The following ANKS1B variants were observed in gnomAD, a reference collection of about 807,000 sequenced individuals.
ANKS1B encodes the protein ankyrin repeat and sterile alpha motif domain containing 1B.
ANKS1B carries 36 observed loss-of-function variants against 148.3 expected under a neutral mutation model. That is an observed-to-expected ratio of 0.24 (90% CI 0.19 to 0.32). The LOEUF (loss-of-function observed/expected upper bound fraction) is 0.32. Ranked by LOEUF, ANKS1B falls within the 10% of genes least tolerant of loss-of-function variation. The pLI is 1.00. For missense variants in ANKS1B, 1,157 were observed against 1,542.6 expected (o/e 0.75, Z 4.19); for synonymous variants, 542 against 560.8 (o/e 0.97, Z 0.47).
At position 99,758,004 on chromosome 12, in the gene ANKS1B, G is replaced by A. The variant is rs528602539; in HGVS notation, c.1128+14918C>T. Among the ~76,000 whole-genome samples the A allele has an allele frequency of 1.6e-4, 24 of 152,016 alleles. 1 individual carries two copies. The East Asian group carries it at 4.4e-3, about 28-fold the overall frequency. ...CAATGGGTACTAGACTAATAGCTGA[G>A]TTATGAAATAATCTATACAACAAAC... On this transcript the variant is annotated intron_variant, in intron 8 of 26. Transcript: ENST00000683438.
chr12:98,955,313 C>A (rs948027871), intron 17 of ANKS1B, among the ~76,000 whole-genome samples: 1 of 152,100 alleles, frequency 6.6e-6, no homozygotes, highest in Admixed American at 6.6e-5. Context: ...GAGGGAAGAC[C>A]TTCCCAGAGA....
chr12:99,034,922 C>A (rs1216905698), intron 17 of ANKS1B, among the ~76,000 whole-genome samples: 1 of 152,040 alleles, frequency 6.6e-6, no homozygotes, highest in African/African-American at 2.4e-5. Flanking sequence ...TTCAGAGTAA[C>A]ATGATAGAAA....
intron 8 of ANKS1B, among the ~76,000 whole-genome samples, chr12:99,762,167 A>G (rs2062187355): frequency 1.3e-5 from 2 of 152,066 alleles, no homozygotes; most frequent in Non-Finnish European, 2.9e-5. Flanking sequence ...AAGTACCAAT[A>G]TCATTTTTCA....
chr12:99,806,741 C>A, intron 3 of ANKS1B, 41 bp from the exon 4 acceptor site: 2 of 1,563,386 alleles, frequency 1.3e-6, no homozygotes, highest in South Asian at 1.1e-5. Context: ...TTCAGAAATT[C>A]AATTTGTTAT....
chr12:99,390,656 G>C (rs543463919), intron 12 of ANKS1B, among the ~76,000 whole-genome samples: 71 of 152,314 alleles, frequency 4.7e-4, no homozygotes, highest in African/African-American at 1.6e-3. Flanking sequence ...TAGATTCTGG[G>C]CAGGGCCACA....
intron 12 of ANKS1B, among the ~76,000 whole-genome samples, chr12:99,285,325 T>C (rs1488644634): frequency 6.6e-6 from 1 of 152,254 alleles, no homozygotes; most frequent in Non-Finnish European, 1.5e-5. Context: ...TAGTGTTCCA[T>C]TGTATGGATA....
intron 9 of ANKS1B, among the ~76,000 whole-genome samples, chr12:99,588,917 G>A (rs2097671100): frequency 6.6e-6 from 1 of 152,136 alleles, no homozygotes; most frequent in Non-Finnish European, 1.5e-5. Flanking sequence ...ATAGTGACTT[G>A]CATTTCCCTA....
In ANKS1B at chr12:99,414,771, T is replaced by C. The variant is rs113587574; in HGVS notation, c.1576-14960A>G. On this transcript the variant is annotated intron_variant, in intron 11 of 26. Coordinates refer to ENST00000683438, the MANE Select transcript of ANKS1B (RefSeq NM_001352186.2). Reference sequence around the variant, plus strand: ...GGGTGCAACAAACCACCATAGCACATGTATACCTATGTAACAAACCTGCGC... The same window carrying C: ...GGGTGCAACAAACCACCATAGCACACGTATACCTATGTAACAAACCTGCGC... Among the ~76,000 whole-genome samples, 5 of 152,330 alleles carry C rather than the reference T, an allele frequency of 3.3e-5. No individual in the cohort carries two copies. In the East Asian group the frequency reaches 5.8e-4, roughly 18 times the overall value.
intron 4 of ANKS1B, among the ~76,000 whole-genome samples, chr12:99,782,731 G>A (rs1602043985): frequency 6.6e-6 from 1 of 152,230 alleles, no homozygotes; most frequent in East Asian, 1.9e-4. Context: ...ACCAATTATA[G>A]GCCAAGAGTA....
chr12:99,945,137 TG>T (rs1391069353), intron 1 of ANKS1B, among the ~76,000 whole-genome samples: 1 of 151,982 alleles, frequency 6.6e-6, no homozygotes, highest in Non-Finnish European at 1.5e-5. Flanking sequence ...AGATATGAAA[TG>T]ATTTCTGTTA....
chr12:99,946,005 A>G (rs769488609), intron 1 of ANKS1B, among the ~76,000 whole-genome samples: 1 of 152,194 alleles, frequency 6.6e-6, no homozygotes, highest in Non-Finnish European at 1.5e-5. Context: ...TGCAGAGCCA[A>G]TATCTGGAGG....
At chr12:98,868,488 A>C (rs2099636884) in intron 17 of ANKS1B, among the ~76,000 whole-genome samples, 1 of 152,262 alleles carries the variant, frequency 6.6e-6, no homozygotes, top group Non-Finnish European at 1.5e-5. Context: ...ATGAGCATGA[A>C]GCATTCAGAT....
chr12:99,073,707 C>A (rs571321120), intron 16 of ANKS1B, among the ~76,000 whole-genome samples: 1 of 152,258 alleles, frequency 6.6e-6, no homozygotes, highest in South Asian at 2.1e-4. Context: ...GCCTTTTAAG[C>A]CTGAAATGTA....
chr12:99,712,294 T>C (rs2056750317), intron 8 of ANKS1B, among the ~76,000 whole-genome samples: 1 of 152,184 alleles, frequency 6.6e-6, no homozygotes, highest in Admixed American at 6.5e-5. Context: ...GGCTGAATAA[T>C]AGCCCTTTCA....
chr12:99,695,142 A>G (rs1054194775), intron 8 of ANKS1B, among the ~76,000 whole-genome samples: 1 of 152,256 alleles, frequency 6.6e-6, no homozygotes, highest in Non-Finnish European at 1.5e-5. Flanking sequence ...TAAGGTTTAC[A>G]TAAATTATTT....
intron 14 of ANKS1B, among the ~76,000 whole-genome samples, chr12:99,186,863 A>G (rs749168941): frequency 1.3e-5 from 2 of 152,058 alleles, no homozygotes; most frequent in African/African-American, 4.8e-5. Flanking sequence ...ACAAAACTGG[A>G]TGGAGAATGA....
chr12:98,894,641 G>C (rs1308880609), intron 17 of ANKS1B: 2 of 985,298 alleles, frequency 2.0e-6, no homozygotes, highest in Non-Finnish European at 2.4e-6. Flanking sequence ...CGAGCCGCTC[G>C]GGCTGGCCGC....
intron 1 of ANKS1B, among the ~76,000 whole-genome samples, chr12:99,853,021 G>C (rs1449017192): frequency 4.6e-5 from 7 of 152,072 alleles, no homozygotes; most frequent in African/African-American, 1.7e-4. Flanking sequence ...AACTCCATTG[G>C]CCTGGGAACC....
At chr12:99,290,634 A>G (rs947812625) in intron 12 of ANKS1B, among the ~76,000 whole-genome samples, 2 of 152,118 alleles carry the variant, frequency 1.3e-5, no homozygotes, top group Non-Finnish European at 2.9e-5. Flanking sequence ...AAATCAATTA[A>G]TGTGATATAT....
Sources: gnomAD v4.1 joint callset for allele counts (sites outside exome capture counted in the v4.1 genomes callset) on GRCh38, gnomAD v4.1.1 for gene constraint, MANE v1.5 for transcripts, NCBI Gene and HGNC (gene_info 2026-07-23, HGNC 2026-07-21) for gene names.